The following SEC14L5 variants were observed in gnomAD, a reference collection of about 807,000 sequenced individuals.
The protein encoded by SEC14L5 is SEC14 like lipid binding 5, also known as SEC14-like protein 5.
A neutral mutation model predicts 84.6 loss-of-function variants in SEC14L5; 96 were observed. That is an observed-to-expected ratio of 1.13 (90% confidence interval 0.96 to 1.34). The LOEUF is 1.34. Among genes scored for constraint, SEC14L5 ranks in the 40% most tolerant of loss-of-function variants. The pLI is 0.00. For synonymous variants in SEC14L5, 546 were observed against 383.4 expected (o/e 1.42, Z -4.95); for missense variants, 1,224 against 942.5 (o/e 1.30, Z -3.91).
rs1425458514 is a variant in SEC14L5, at chr16:5,016,118, G to T, written c.*1148G>T. On this transcript the variant is annotated 3_prime_UTR_variant, in exon 16 of 16. Coordinates refer to ENST00000251170, the MANE Select transcript of SEC14L5 (RefSeq NM_014692.2). ...TGCTTCAGGTAAGGCTAGATCCAGG[G>T]TCTCAACATGGAGTCTCGATTCCCC... 1.3e-5 allele frequency: 2 copies of T among 152,194 alleles called. No homozygotes were observed. Among genetic ancestry groups the T allele is most frequent in the African/African-American group, 4.8e-5 (2 of 41,440 alleles). 9.4% of individuals were successfully genotyped at this position (152,194 alleles called of 1,614,324 possible).
chr16:5,005,973 C>G lies in SEC14L5; in HGVS notation c.1362C>G (p.Asn454Lys), dbSNP rs746568399. 2 of 1,612,814 alleles carry G rather than the reference C, an allele frequency of 1.2e-6. No homozygotes were observed. Among genetic ancestry groups the G allele is most frequent in the South Asian group, 1.1e-5 (1 of 90,948 alleles). The change falls in exon 12 of 16, where the codon AAC becomes AAG. Residue 454 changes from asparagine (N) to lysine (K), a missense_variant. Coordinates refer to ENST00000251170, the MANE Select transcript of SEC14L5 (RefSeq NM_014692.2). Reference protein sequence around the residue: ...RRKFLIYSGSNYQGPGGLVDY... With the variant: ...RRKFLIYSGSKYQGPGGLVDY... ...AGTTCCTCATCTACAGTGGCAGCAA[C>G]TACCAGGGACCCGGAGGCCTTGTGG...
At position 4,987,679 on chromosome 16, in the gene SEC14L5, C is replaced by T; in HGVS notation, c.186C>T (p.Arg62=). The T allele has an allele frequency of 1.3e-6, 2 of 1,538,358 alleles. No individual in the cohort carries two copies. Among genetic ancestry groups the T allele is most frequent in the Non-Finnish European group, 1.7e-6 (2 of 1,145,466 alleles). Residue 62 remains arginine, a synonymous_variant, in exon 3 of 16, where the codon CGC becomes CGT. Coordinates refer to ENST00000251170, the MANE Select transcript of SEC14L5 (RefSeq NM_014692.2). ...TGGTGGAGCGGAGCTGCCGGCTGCG[C>T]GTGGACGCCCCGCGGCTGCTGCGGA... ...VHVVERSCRL[R]VDAPRLLRKI...
chr16:4,978,504 G>A (rs1209083147), intron 2 of SEC14L5, among the ~76,000 whole-genome samples: 1 of 142,074 alleles, frequency 7.0e-6, no homozygotes, highest in African/African-American at 2.6e-5. Context: ...TTGCAGCCTT[G>A]ACCTTCTATG....
intron 4 of SEC14L5, among the ~76,000 whole-genome samples, chr16:4,988,577 C>T (rs1166946571): frequency 6.6e-6 from 1 of 152,082 alleles, no homozygotes; most frequent in Non-Finnish European, 1.5e-5. Context: ...AATCTGACAA[C>T]CCTATCCTCT....
intron 2 of SEC14L5, among the ~76,000 whole-genome samples, chr16:4,970,362 A>C (rs918964438): frequency 6.6e-6 from 1 of 152,142 alleles, no homozygotes; most frequent in Non-Finnish European, 1.5e-5. Flanking sequence ...GCAAAGGCCA[A>C]TGGGGCAGAA....
At chr16:5,013,266 G>T (rs1354785470) in intron 15 of SEC14L5, among the ~76,000 whole-genome samples, 1 of 152,198 alleles carries the variant, frequency 6.6e-6, no homozygotes, top group Non-Finnish European at 1.5e-5. Context: ...CTAGAGCCTT[G>T]CCAGAGCACA....
In SEC14L5 at chr16:5,011,763, T is replaced by C. The variant is rs144096421; in HGVS notation, c.1979+490T>C. On this transcript the variant is annotated intron_variant, in intron 15 of 15. Coordinates refer to ENST00000251170, the MANE Select transcript of SEC14L5 (RefSeq NM_014692.2). Reference sequence around the variant, plus strand: ...CTTTTCCTCTTTGAGCCTCAGGTGCTTCATCCCTTAAATGGGAACCACTGG... The same window carrying C: ...CTTTTCCTCTTTGAGCCTCAGGTGCCTCATCCCTTAAATGGGAACCACTGG... Among the ~76,000 whole-genome samples the C allele has an allele frequency of 7.8e-3, 1,189 of 152,296 alleles. 8 individuals carry two copies. The highest frequency in any genetic ancestry group is 0.013 in the Non-Finnish European group (891 of 68,026).
Position 4,990,849 on chromosome 16 carries a change from C to A in SEC14L5, c.428C>A (p.Ala143Asp). The change falls in exon 5 of 16, where the codon GCC becomes GAC. Residue 143 changes from alanine to aspartate, a missense_variant. Physicochemically the swap from Ala to Asp is moderately radical, Grantham distance 126. Transcript: ENST00000251170. The part of the protein sequence containing the change: ...DIRSFFGFEN[A>D]LEKIAMKQYT... ...CGGTCTTTCTTTGGCTTTGAAAATGCCTTGGAGAAGATCGCCATGAAGCAG... is the reference window on the plus strand; with the variant it reads ...CGGTCTTTCTTTGGCTTTGAAAATGACTTGGAGAAGATCGCCATGAAGCAG... 2 of 1,610,946 alleles carry A rather than the reference C, an allele frequency of 1.2e-6. No homozygotes were observed. Among genetic ancestry groups the A allele is most frequent in the Non-Finnish European group, 1.7e-6 (2 of 1,178,484 alleles).
rs561365024 is a variant in SEC14L5, at chr16:5,006,007, G to A, written c.1396G>A (p.Asp466Asn). Residue 466 changes from aspartate (D) to asparagine (N), a missense_variant, in exon 12 of 16, where the codon GAT (aspartate) becomes AAT (asparagine). By Grantham distance (23) the Asp-to-Asn change is conservative. Transcript: ENST00000251170. ...ACCCGGAGGCCTTGTGGACTATCTGGATAGAGAAGTGATCCCTGACTTCCT... is the reference window on the plus strand; with the variant it reads ...ACCCGGAGGCCTTGTGGACTATCTGAATAGAGAAGTGATCCCTGACTTCCT... ...QGPGGLVDYL[D>N]REVIPDFLGG... 3.7e-5 allele frequency: 60 copies of A among 1,613,804 alleles called. 1 individual carries two copies. In the South Asian group the frequency reaches 6.4e-4, roughly 17 times the overall value.
At chr16:5,003,287 C>T in intron 10 of SEC14L5, 115 bp from the exon 11 acceptor site, 3 of 749,254 alleles carry the variant, frequency 4.0e-6, no homozygotes, top group Non-Finnish European at 6.7e-6. Flanking sequence ...GCAGGAGCCC[C>T]CATCTGCTCC....
chr16:5,000,883 A>G lies in SEC14L5; in HGVS notation c.1088A>G (p.Lys363Arg), dbSNP rs942543167. Reference sequence around the variant, plus strand: ...CTCTCCGTCAACGAGGAAGGACAGAAGCGGTGTGAGGGGAGCACAAGGCAG... The same window carrying G: ...CTCTCCGTCAACGAGGAAGGACAGAGGCGGTGTGAGGGGAGCACAAGGCAG... Reference protein sequence around the residue: ...HVLSVNEEGQKRCEGSTRQLG... With the variant: ...HVLSVNEEGQRRCEGSTRQLG... The change falls in exon 10 of 16, where the codon AAG becomes AGG. Residue 363 changes from lysine to arginine, a missense_variant. By Grantham distance (26) the Lys-to-Arg change is conservative (BLOSUM62 2). Transcript: ENST00000251170. 7 of 1,608,960 alleles carry G rather than the reference A, an allele frequency of 4.4e-6. No homozygotes were observed. Among genetic ancestry groups the G allele is most frequent in the Non-Finnish European group, 5.9e-6 (7 of 1,177,890 alleles).
intron 15 of SEC14L5, among the ~76,000 whole-genome samples, chr16:5,012,481 G>T (rs571366865): frequency 6.6e-6 from 1 of 152,194 alleles, no homozygotes; most frequent in African/African-American, 2.4e-5. Context: ...CTCGGATCGT[G>T]GGGGGACCAC....
rs1478185235 is a variant in SEC14L5 at position 4,991,862 on chromosome 16, C to T, written c.499C>T (p.Leu167=). The T allele has an allele frequency of 6.2e-7, 1 of 1,609,030 alleles. No individual in the cohort carries two copies. Among genetic ancestry groups the T allele is most frequent in the Non-Finnish European group, 8.5e-7 (1 of 1,178,060 alleles). The part of the protein sequence containing the change: ...KRGKEVIEHY[L]NELISQGTSH... ...GGGGAAGGAGGTGATTGAGCATTAC[C>T]TGAATGAGCTCATCTCCCAGGGTAC... Residue 167 remains leucine, a synonymous_variant, in exon 6 of 16, where the codon CTG becomes TTG. Coordinates refer to ENST00000251170, the MANE Select transcript of SEC14L5 (RefSeq NM_014692.2).
At chr16:4,994,695 T>TTA (rs1260951921) in intron 6 of SEC14L5, among the ~76,000 whole-genome samples, 1 of 151,792 alleles carries the variant, frequency 6.6e-6, no homozygotes, top group Admixed American at 6.6e-5. Flanking sequence ...TTTTTTTTTT[T>TTA]TATAACAGCG....
chr16:4,995,156 C>G (rs1955596008), intron 6 of SEC14L5, among the ~76,000 whole-genome samples: 1 of 152,212 alleles, frequency 6.6e-6, no homozygotes, highest in Admixed American at 6.5e-5. Context: ...TTCATTCAGC[C>G]TGTTTTCTTA....
chr16:4,987,312 A>T (rs1489241515), intron 2 of SEC14L5, among the ~76,000 whole-genome samples: 1 of 152,014 alleles, frequency 6.6e-6, no homozygotes, highest in African/African-American at 2.4e-5. Context: ...TTCTGAGGGC[A>T]AAAACTCAAA....
Position 4,992,245 on chromosome 16 carries a change from CTCTTT to C in SEC14L5, c.667+232_667+236del, listed in dbSNP as rs924974206. ...AGAACTCATTTGTTTCTTTTCTTTT[CTCTTT>C]TCTTTTCTTTTCTTTTTTGAGACGG... On this transcript the variant is annotated intron_variant, in intron 6 of 15. Transcript: ENST00000251170. Among the ~76,000 whole-genome samples the C allele has an allele frequency of 1.3e-3, 194 of 147,440 alleles. 1 individual carries two copies. The highest frequency in any genetic ancestry group is 3.6e-3 in the Admixed American group (54 of 15,076).
chr16:4,976,569 A>G, intron 2 of SEC14L5, among the ~76,000 whole-genome samples: 1 of 152,248 alleles, frequency 6.6e-6, no homozygotes, highest in Non-Finnish European at 1.5e-5. Flanking sequence ...GAATTGGGCA[A>G]GTCTGGGTGG....
At chr16:4,977,895 G>C (rs1201888195) in intron 2 of SEC14L5, among the ~76,000 whole-genome samples, 1 of 151,258 alleles carries the variant, frequency 6.6e-6, no homozygotes, top group Admixed American at 6.6e-5. Flanking sequence ...CCTCCTCTCA[G>C]GTTCAAGCAA....
Sources: allele counts gnomAD v4.1 joint callset (sites outside exome capture counted in the v4.1 genomes callset), GRCh38; gene constraint gnomAD v4.1.1; transcripts MANE v1.5; gene names NCBI Gene and HGNC (gene_info 2026-07-23, HGNC 2026-07-21).